The following ABR variants were observed in gnomAD, a reference collection of about 807,000 sequenced individuals.
The protein encoded by ABR is ABR activator of RhoGEF and GTPase, also known as active breakpoint cluster region-related protein.
A neutral mutation model predicts 107.2 loss-of-function variants in ABR; 35 were observed. That is an observed-to-expected ratio of 0.33 (90% confidence interval 0.25 to 0.43). ABR has a LOEUF of 0.43. Among genes scored for constraint, ABR ranks in the 20% least tolerant of loss-of-function variants. The pLI is 1.00. For synonymous variants in ABR, 498 were observed against 462.0 expected (o/e 1.08, Z -1.00); for missense variants, 815 against 1,115.2 (o/e 0.73, Z 3.83).
intron 18 of ABR, chr17:1,012,332 G>GGGT: frequency 1.6e-6 from 1 of 641,024 alleles, no homozygotes. Flanking sequence ...CAAGGGGCCA[G>GGGT]GGTGGTGGTG....
rs1224015427 is a variant in ABR at position 1,027,961 on chromosome 17, G to A, written c.1792-14797C>T. On this transcript the variant is annotated intron_variant, in intron 16 of 22. Transcript: ENST00000302538. The surrounding 1 kb of genome is among the most constrained non-coding windows in gnomAD (Gnocchi z 4.7). ...CTGTGTACCCTCGATGGCCAAGTGAGTGGTAGAGTGAACCTCTGGGGTGTG... is the reference window on the plus strand; with the variant it reads ...CTGTGTACCCTCGATGGCCAAGTGAATGGTAGAGTGAACCTCTGGGGTGTG... 6.6e-6 allele frequency among the ~76,000 whole-genome samples: 1 copy of A among 152,122 alleles called. No individual in the cohort carries two copies. Among genetic ancestry groups the A allele is most frequent in the African/African-American group, 2.4e-5 (1 of 41,420 alleles).
chr17:1,073,849 C>A (rs1290301407), intron 6 of ABR, among the ~76,000 whole-genome samples, 172 bp from the exon 7 acceptor site: 1 of 151,992 alleles, frequency 6.6e-6, no homozygotes, highest in Non-Finnish European at 1.5e-5. Flanking sequence ...CCCGGGCCGA[C>A]CAAACAGCAG....
upstream of ABR, among the ~76,000 whole-genome samples, chr17:1,188,263 A>C (rs1280458366): frequency 6.6e-6 from 1 of 152,058 alleles, no homozygotes; most frequent in African/African-American, 2.4e-5. Flanking sequence ...TAAAGAGGTC[A>C]CAATAGGCCA....
chr17:1,085,050 C>T (rs1055747130), intron 4 of ABR, among the ~76,000 whole-genome samples: 3 of 151,810 alleles, frequency 2.0e-5, no homozygotes, highest in African/African-American at 7.3e-5. Context: ...GATCCACCTG[C>T]CTCGGCCTCC....
At chr17:1,019,391 G>A (rs1190428932) in intron 16 of ABR, among the ~76,000 whole-genome samples, 2 of 152,252 alleles carry the variant, frequency 1.3e-5, no homozygotes, top group African/African-American at 4.8e-5. Context: ...CCAGGCCTGG[G>A]CCAGGGGCAC....
In ABR at chr17:1,050,404, G is replaced by A. The variant is rs2032331430; in HGVS notation, c.1659+133C>T. 1 of 999,752 alleles carries A rather than the reference G, an allele frequency of 1.0e-6. No individual in the cohort carries two copies. The highest frequency in any genetic ancestry group is 1.4e-5 in the South Asian group (1 of 69,944). 61.9% of individuals were successfully genotyped at this position (999,752 alleles called of 1,614,324 possible). ...ACCCAGACACACACCGCGATCAGAA[G>A]CCAGAGGAGCAGGGAGCAGAAAGGG... On this transcript the variant is annotated intron_variant, in intron 15 of 22. Coordinates refer to ENST00000302538, the MANE Select transcript of ABR (RefSeq NM_021962.5). This position sits in a 1 kb window ranked among gnomAD's most constrained non-coding sequence, Gnocchi z 4.6.
intron 16 of ABR, among the ~76,000 whole-genome samples, chr17:1,019,494 C>T (rs78083059): frequency 0.052 from 1,244 of 24,038 alleles, 23 homozygotes; most frequent in African/African-American, 0.12. Flanking sequence ...GGCCCTGGTG[C>T]CTGCTGCAGG....
intron 3 of ABR, among the ~76,000 whole-genome samples, chr17:1,096,408 T>C (rs2037427170): frequency 2.6e-5 from 4 of 152,150 alleles, no homozygotes; most frequent in Non-Finnish European, 5.9e-5. Flanking sequence ...CTGGCACCTT[T>C]GCGAGGCCAC....
At chr17:1,169,392 G>A (rs1182564160) in intron 1 of ABR, among the ~76,000 whole-genome samples, 1 of 152,238 alleles carries the variant, frequency 6.6e-6, no homozygotes, top group Admixed American at 6.5e-5. Flanking sequence ...TCTTGCACCC[G>A]TGAGGTGTCC....
At chr17:1,170,010 G>T (rs112533181) in intron 1 of ABR, among the ~76,000 whole-genome samples, 193 of 114,008 alleles carry the variant, frequency 1.7e-3, no homozygotes, top group African/African-American at 5.5e-3. Context: ...GTGTGTGTGG[G>T]GGGGGGGTGT....
upstream of ABR, among the ~76,000 whole-genome samples, chr17:1,182,618 G>A (rs1479160006): frequency 6.6e-6 from 1 of 152,024 alleles, no homozygotes; most frequent in Admixed American, 6.6e-5. Flanking sequence ...CGCCCGCCTC[G>A]GCCTCCCAAA....
At chr17:1,024,857 C>T (rs1388534857) in intron 16 of ABR, among the ~76,000 whole-genome samples, 8 of 151,750 alleles carry the variant, frequency 5.3e-5, no homozygotes, top group East Asian at 1.9e-4. Flanking sequence ...CAGTGACTCA[C>T]GCCTGTAATC....
chr17:1,120,817 T>G (rs900355083), intron 2 of ABR, among the ~76,000 whole-genome samples: 14 of 152,154 alleles, frequency 9.2e-5, no homozygotes, highest in African/African-American at 3.4e-4. Context: ...GTGACACCCC[T>G]CAGGCCACAC....
At chr17:1,153,050 C>G (rs1403988001) in intron 1 of ABR, among the ~76,000 whole-genome samples, 1 of 152,138 alleles carries the variant, frequency 6.6e-6, no homozygotes, top group East Asian at 1.9e-4. Flanking sequence ...CCAGCCTGAG[C>G]AACAAGAGTG....
At chr17:1,023,065 C>CGCCTCTGCCGGCCCCACGTCCACTGCAGA (rs1567594315) in intron 16 of ABR, among the ~76,000 whole-genome samples, 4 of 129,014 alleles carry the variant, frequency 3.1e-5, no homozygotes, top group Admixed American at 8.1e-5. Flanking sequence ...TCCGCTCCAG[C>CGCCTCTGCCGGCCCCACGTCCACTGCAGA]GCCTCTGCCG....
intron 1 of ABR, among the ~76,000 whole-genome samples, chr17:1,213,899 GTT>G (rs1170633968): frequency 6.6e-6 from 1 of 151,462 alleles, no homozygotes; most frequent in Non-Finnish European, 1.5e-5. Context: ...TTTGTTTTTT[GTT>G]TTTTGAGACC....
Position 1,012,708 on chromosome 17 carries a change from C to G in ABR, c.1941G>C (p.Val647=). ...PSKKQTGVFG[V]KISVVTKRER... ...CCTACTTCGTCACCACGCTGATCTT[C>G]ACACCGAAGACGCCGGTCTGCTTTT... The change falls in exon 18 of 23, where the codon GTG becomes GTC. Residue 647 remains valine (V), a synonymous_variant. Transcript: ENST00000302538. 1 of 1,587,884 alleles carries G rather than the reference C, an allele frequency of 6.3e-7. No homozygotes were observed. The highest frequency in any genetic ancestry group is 8.6e-7 in the Non-Finnish European group (1 of 1,165,866).
intron 16 of ABR, among the ~76,000 whole-genome samples, chr17:1,029,793 T>C (rs1186647290): frequency 1.1e-5 from 1 of 92,706 alleles, no homozygotes; most frequent in Non-Finnish European, 2.5e-5. Flanking sequence ...CAGACGTCCC[T>C]CCGTCCACCA....
chr17:1,023,329 A>C (rs1373041131), intron 16 of ABR, among the ~76,000 whole-genome samples: 3 of 152,228 alleles, frequency 2.0e-5, no homozygotes, highest in Admixed American at 1.3e-4. Context: ...ACAGCCAGGC[A>C]CATCTCCCCC....
Sources: gnomAD v4.1 joint callset for allele counts (sites outside exome capture counted in the v4.1 genomes callset) on GRCh38, gnomAD v4.1.1 for gene constraint, Gnocchi (gnomAD v3.1) non-coding constraint, MANE v1.5 for transcripts, NCBI Gene and HGNC (gene_info 2026-07-23, HGNC 2026-07-21) for gene names.